ANK2: variants seen among roughly 807,000 people sequenced by gnomAD.
ANK2 encodes the protein ankyrin-2.
ANK2 carries 83 observed loss-of-function variants against 360.5 expected under a neutral mutation model. That is an observed-to-expected ratio of 0.23 (90% CI 0.19 to 0.28). ANK2 has a LOEUF of 0.28. Among genes scored for constraint, ANK2 ranks in the 10% least tolerant of loss-of-function variants. The pLI, the probability that ANK2 is intolerant of heterozygous loss-of-function variation, is 1.00. For synonymous variants in ANK2, 1,740 were observed against 1,759.5 expected, an observed-to-expected ratio of 0.99 and a Z score of 0.28; for missense variants, 4,201 against 4,795.7, an observed-to-expected ratio of 0.88 and a Z score of 3.66.
chr4:113,246,435 C>G (rs886850884), intron 9 of ANK2, among the ~76,000 whole-genome samples: 1 of 152,064 alleles, frequency 6.6e-6, no homozygotes, highest in Non-Finnish European at 1.5e-5. Context: ...GACATTTGCA[C>G]CAGAGCCTTT....
chr4:113,320,598 C>T (rs536740345), intron 26 of ANK2, among the ~76,000 whole-genome samples: 426 of 152,012 alleles, frequency 2.8e-3, no homozygotes, highest in Non-Finnish European at 4.8e-3. Flanking sequence ...GTGGTTACAG[C>T]GAGCCTAGAC....
At chr4:112,729,237 G>C in the ANK2 span, among the ~76,000 whole-genome samples, 1 of 151,804 alleles carries the variant, frequency 6.6e-6, no homozygotes, top group Admixed American at 6.6e-5. Context: ...CCTAGTAAAC[G>C]GTTGGGATGT....
At chr4:113,117,171 G>T in intron 1 of ANK2, 1 of 393,196 alleles carries the variant, frequency 2.5e-6, no homozygotes, top group South Asian at 1.9e-5. Flanking sequence ...GAGTGTTCTG[G>T]CTGCCAGCCA....
chr4:113,226,802 A>T (rs987715084), intron 4 of ANK2, among the ~76,000 whole-genome samples: 1 of 152,208 alleles, frequency 6.6e-6, no homozygotes, highest in Non-Finnish European at 1.5e-5. Context: ...TAATAACCAG[A>T]TGCTAGGAGC....
chr4:112,833,559 A>G (rs2060296772), intron 1 of ANK2, among the ~76,000 whole-genome samples: 1 of 148,794 alleles, frequency 6.7e-6, no homozygotes, highest in African/African-American at 2.5e-5. Flanking sequence ...GCTGGAGTGC[A>G]GTGGCGCCAT....
At chr4:112,992,351 G>C (rs1383313137) in intron 2 of ANK2, among the ~76,000 whole-genome samples, 1 of 151,894 alleles carries the variant, frequency 6.6e-6, no homozygotes, top group Non-Finnish European at 1.5e-5. Flanking sequence ...ACCATGTTGG[G>C]CAGGCTAGTC....
chr4:112,722,043 T>A, the ANK2 span, among the ~76,000 whole-genome samples: 1 of 152,238 alleles, frequency 6.6e-6, no homozygotes, highest in African/African-American at 2.4e-5. Flanking sequence ...TTTTGTTAAC[T>A]GTATTAAACA....
chr4:113,032,664 C>T (rs975533360), intron 2 of ANK2, among the ~76,000 whole-genome samples: 1 of 151,940 alleles, frequency 6.6e-6, no homozygotes, highest in Non-Finnish European at 1.5e-5. Flanking sequence ...TCAGTGATAC[C>T]AGTGAAAGAT....
chr4:113,186,558 G>A (rs1361510231), intron 2 of ANK2, among the ~76,000 whole-genome samples: 2 of 63,102 alleles, frequency 3.2e-5, no homozygotes, highest in African/African-American at 1.1e-4. Context: ...ATATCTTCCC[G>A]TGTCTCTCTC....
chr4:113,195,019 G>A (rs2098727771), intron 2 of ANK2, among the ~76,000 whole-genome samples: 3 of 152,050 alleles, frequency 2.0e-5, no homozygotes, highest in Admixed American at 6.6e-5. Context: ...CCTTGATGCA[G>A]CTTCCCCAAA....
chr4:112,883,241 G>A (rs1302272501), intron 1 of ANK2, among the ~76,000 whole-genome samples: 1 of 151,722 alleles, frequency 6.6e-6, no homozygotes, highest in African/African-American at 2.4e-5. Flanking sequence ...GTTTTGCCAT[G>A]TTGGCCAGGC....
chr4:112,764,089 C>T, the ANK2 span, among the ~76,000 whole-genome samples: 1 of 151,902 alleles, frequency 6.6e-6, no homozygotes, highest in East Asian at 2.0e-4. Flanking sequence ...ATTGCAGGGG[C>T]CCGCCACCAT....
chr4:113,221,590 C>T (rs777272684), intron 4 of ANK2, among the ~76,000 whole-genome samples: 2 of 150,752 alleles, frequency 1.3e-5, no homozygotes, highest in South Asian at 2.1e-4. Flanking sequence ...ACCCGGGAGG[C>T]GGAGGTTCCA....
intron 9 of ANK2, among the ~76,000 whole-genome samples, chr4:113,246,598 G>A (rs112901858): frequency 5.1e-4 from 78 of 151,924 alleles, no homozygotes; most frequent in African/African-American, 1.8e-3. Flanking sequence ...CGCATATTAG[G>A]ATTATGTTTA....
Position 113,357,714 on chromosome 4 carries a change from A to G in ANK2, c.9096A>G (p.Lys3032=). The change falls in exon 38 of 46, where the codon AAA becomes AAG. Residue 3032 remains lysine (K), a synonymous_variant. Transcript: ENST00000357077. ...TTTVVGEQIS[K]VIITKTDVDS... ...CAGTTGTTGGTGAACAAATAAGCAAAGTCATCATCACAAAAACTGATGTGG... is the reference window on the plus strand; with the variant it reads ...CAGTTGTTGGTGAACAAATAAGCAAGGTCATCATCACAAAAACTGATGTGG... The G allele has an allele frequency of 1.2e-6, 2 of 1,614,142 alleles. No homozygotes were observed. The highest frequency in any genetic ancestry group is 1.7e-6 in the Non-Finnish European group (2 of 1,179,984).
At chr4:112,996,316 G>A (rs1347896409) in intron 2 of ANK2, among the ~76,000 whole-genome samples, 1 of 152,078 alleles carries the variant, frequency 6.6e-6, no homozygotes, top group African/African-American at 2.4e-5. Flanking sequence ...AAACTTAGGA[G>A]TGATGAATAT....
rs1585840489 is a variant in ANK2 at position 113,242,769 on chromosome 4, A to G, written c.891+560A>G. Among the ~76,000 whole-genome samples, 7 of 152,326 alleles carry G rather than the reference A, an allele frequency of 4.6e-5. 1 individual carries two copies. The South Asian group carries it at 1.4e-3, about 32-fold the overall frequency. ...ATAGCTTTCATTTGTTTCAAACTTA[A>G]GTAAAATGTCATTTCAAGTTTGCAG... On this transcript the variant is annotated intron_variant, in intron 9 of 45. Transcript: ENST00000357077.
At position 113,308,282 on chromosome 4, in the gene ANK2, A is replaced by C. The variant is rs75070745; in HGVS notation, c.2549-2973A>C. Among the ~76,000 whole-genome samples the C allele has an allele frequency of 4.5e-3, 688 of 152,266 alleles. 7 individuals are homozygous for C. The highest frequency in any genetic ancestry group is 0.016 in the African/African-American group (661 of 41,542). ...AGTCGTGCTATTTGCTCATGTAGGG[A>C]ATTTTCAAAGAGAAGCACATTGACA... On this transcript the variant is annotated intron_variant, in intron 23 of 45. Coordinates refer to ENST00000357077, the MANE Select transcript of ANK2 (RefSeq NM_001148.6).
intron 4 of ANK2, among the ~76,000 whole-genome samples, chr4:113,207,265 T>C (rs2153437480): frequency 6.6e-6 from 1 of 152,372 alleles, no homozygotes; most frequent in Non-Finnish European, 1.5e-5. Context: ...GGCTGAATCC[T>C]GCTTGTCATT....
Sources: allele counts gnomAD v4.1 joint callset (sites outside exome capture counted in the v4.1 genomes callset), GRCh38; gene constraint gnomAD v4.1.1; transcripts MANE v1.5; gene names NCBI Gene and HGNC (gene_info 2026-07-23, HGNC 2026-07-21).